The following CSMD2 variants were observed in gnomAD, a reference collection of about 807,000 sequenced individuals.
CSMD2 encodes the protein CUB and sushi domain-containing protein 2.
A neutral mutation model predicts 398.5 loss-of-function variants in CSMD2; 130 were observed. The ratio of observed to expected loss-of-function variants is 0.33; its 90% CI spans 0.28 to 0.38. The LOEUF is 0.38. CSMD2 is among the 10% of genes least tolerant of loss of function. The pLI, the probability that CSMD2 is intolerant of heterozygous loss-of-function variation, is 1.00. For missense variants in CSMD2, 3,829 were observed against 4,764.9 expected (o/e 0.80, Z 5.78); for synonymous variants, 1,828 against 1,908.5 (o/e 0.96, Z 1.10).
intron 2 of CSMD2, among the ~76,000 whole-genome samples, chr1:34,078,427 T>G (rs768087397): frequency 6.6e-6 from 1 of 152,078 alleles, no homozygotes; most frequent in East Asian, 1.9e-4. Context: ...AGATGAAGTG[T>G]CATCACAGGC....
intron 23 of CSMD2, among the ~76,000 whole-genome samples, chr1:33,699,369 G>C (rs965274690): frequency 6.6e-6 from 1 of 152,198 alleles, no homozygotes; most frequent in African/African-American, 2.4e-5. Context: ...GCTGGAAAAG[G>C]AAACAGATTT....
intron 1 of CSMD2, among the ~76,000 whole-genome samples, chr1:34,096,347 G>A (rs1331458121): frequency 6.6e-6 from 1 of 151,952 alleles, no homozygotes; most frequent in African/African-American, 2.4e-5. Context: ...TTGAAAACTG[G>A]CACAAGACAG....
chr1:33,707,227 C>G (rs188344273), intron 22 of CSMD2, among the ~76,000 whole-genome samples: 1 of 152,208 alleles, frequency 6.6e-6, no homozygotes, highest in African/African-American at 2.4e-5. Flanking sequence ...GTCACTTGCA[C>G]AGAACCACTG....
intron 1 of CSMD2, among the ~76,000 whole-genome samples, chr1:34,091,485 T>G (rs1001035754): frequency 3.9e-5 from 6 of 152,172 alleles, no homozygotes; most frequent in Non-Finnish European, 8.8e-5. Flanking sequence ...GATTCAAACA[T>G]AAGTATTCCA....
intron 13 of CSMD2, among the ~76,000 whole-genome samples, chr1:33,756,183 T>C (rs1159085427): frequency 6.6e-6 from 1 of 152,220 alleles, no homozygotes. Flanking sequence ...CACTTGCTTG[T>C]CCTCTTTAGG....
intron 57 of CSMD2, among the ~76,000 whole-genome samples, chr1:33,544,854 T>TACAC (rs397979837): frequency 8.6e-5 from 8 of 93,352 alleles, no homozygotes; most frequent in African/African-American, 2.6e-4. Context: ...TATATATATA[T>TACAC]ACACATATAA....
intron 53 of CSMD2, among the ~76,000 whole-genome samples, chr1:33,562,447 C>T (rs1160837685): frequency 6.6e-6 from 1 of 152,214 alleles, no homozygotes; most frequent in Non-Finnish European, 1.5e-5. Flanking sequence ...CATTCTAGAA[C>T]ATGGCCTAGG....
intron 3 of CSMD2, among the ~76,000 whole-genome samples, chr1:34,004,495 C>T (rs1647000332): frequency 6.6e-6 from 1 of 151,990 alleles, no homozygotes; most frequent in Non-Finnish European, 1.5e-5. Flanking sequence ...TTTGCCAGCG[C>T]CATTCTTTGT....
At chr1:33,714,509 G>A (rs141495644) in intron 21 of CSMD2, 78 bp downstream of exon 21, 22,928 of 1,508,786 alleles carry the variant, frequency 0.015, 214 homozygotes, top group Non-Finnish European at 0.018. Flanking sequence ...CCTGTGTGCC[G>A]TCCACCACCT....
chr1:33,788,463 G>A (rs573309705), intron 12 of CSMD2, 137 bp downstream of exon 12: 21 of 590,886 alleles, frequency 3.6e-5, no homozygotes, highest in Middle Eastern at 2.8e-4. Context: ...AGCTAAGATC[G>A]TGCCACGGCA....
At chr1:34,103,644 G>T (rs1409748661) in intron 1 of CSMD2, among the ~76,000 whole-genome samples, 1 of 152,066 alleles carries the variant, frequency 6.6e-6, no homozygotes, top group Non-Finnish European at 1.5e-5. Flanking sequence ...CCCAGTACTT[G>T]CCCATAGTAG....
At chr1:33,530,288 T>C (rs980099799) in intron 64 of CSMD2, among the ~76,000 whole-genome samples, 1 of 152,116 alleles carries the variant, frequency 6.6e-6, no homozygotes, top group Middle Eastern at 3.2e-3. Flanking sequence ...GCAAAGGACC[T>C]GAATAGACAT....
chr1:33,945,305 A>G (rs1570588617), intron 3 of CSMD2, among the ~76,000 whole-genome samples: 2 of 152,204 alleles, frequency 1.3e-5, no homozygotes, highest in East Asian at 3.9e-4. Context: ...GCTTATACTA[A>G]AAAGACTTTG....
chr1:34,021,472 TACCAAGGGA>T (rs1221857763), intron 3 of CSMD2, among the ~76,000 whole-genome samples: 1 of 152,102 alleles, frequency 6.6e-6, no homozygotes, highest in Non-Finnish European at 1.5e-5. Context: ...GGTTCTTCGG[TACCAAGGGA>T]TCCATCCTGG....
chr1:33,802,186 A>G (rs1160455627), intron 10 of CSMD2, among the ~76,000 whole-genome samples: 2 of 152,198 alleles, frequency 1.3e-5, no homozygotes, highest in African/African-American at 2.4e-5. Flanking sequence ...AGGACATCCC[A>G]GTCGAAGGGA....
chr1:33,988,334 AC>A (rs998608977), intron 3 of CSMD2, among the ~76,000 whole-genome samples: 1 of 152,018 alleles, frequency 6.6e-6, no homozygotes, highest in African/African-American at 2.4e-5. Flanking sequence ...ACAACTGTAG[AC>A]CCCTAAGGGA....
intron 13 of CSMD2, among the ~76,000 whole-genome samples, chr1:33,745,578 T>G (rs78696246): frequency 0.016 from 2,498 of 152,318 alleles, 100 homozygotes; most frequent in South Asian, 0.073. Context: ...GTGATGAGTT[T>G]AGTCTTGATT....
At chr1:33,983,161 G>C (rs1183675854) in intron 3 of CSMD2, among the ~76,000 whole-genome samples, 1 of 152,186 alleles carries the variant, frequency 6.6e-6, no homozygotes, top group Non-Finnish European at 1.5e-5. Context: ...CCTCTGCAGA[G>C]GGAGACTGGA....
chr1:34,081,406 C>G (rs1485018213), intron 2 of CSMD2, among the ~76,000 whole-genome samples: 1 of 151,442 alleles, frequency 6.6e-6, no homozygotes, highest in African/African-American at 2.4e-5. Flanking sequence ...CTCTCCTTCC[C>G]CCTCCCCCTC....
Sources: gnomAD v4.1 joint callset for allele counts (sites outside exome capture counted in the v4.1 genomes callset) on GRCh38, gnomAD v4.1.1 for gene constraint, MANE v1.5 for transcripts, NCBI Gene and HGNC (gene_info 2026-07-23, HGNC 2026-07-21) for gene names.